ABTB2: variants seen among roughly 807,000 people sequenced by gnomAD.
ABTB2 encodes the protein ankyrin repeat and BTB domain containing 2, also known as ankyrin repeat and BTB/POZ domain-containing protein 2.
ABTB2 carries 56 observed loss-of-function variants against 104.1 expected under a neutral mutation model. That is an observed-to-expected ratio of 0.54 (90% CI 0.43 to 0.67). ABTB2 has a LOEUF of 0.67. Ranked by LOEUF, ABTB2 falls within the 30% of genes least tolerant of loss-of-function variation. ABTB2 has a pLI of 0.00. For synonymous variants in ABTB2, 606 were observed against 608.2 expected, an observed-to-expected ratio of 1.00 and a Z score of 0.05; for missense variants, 1,279 against 1,407.7, an observed-to-expected ratio of 0.91 and a Z score of 1.46.
rs753521736 is a variant in ABTB2 at position 34,164,833 on chromosome 11, G to A, written c.1853-12C>T. 6.3e-7 allele frequency: 1 copy of A among 1,587,154 alleles called. No homozygotes were observed. The highest frequency in any genetic ancestry group is 8.5e-7 in the Non-Finnish European group (1 of 1,171,768). On this transcript the variant is annotated splice_polypyrimidine_tract_variant and intron_variant, in intron 8 of 16. Transcript: ENST00000435224. ...CAGCTCATAGTTCCCTGAAAGAGAA[G>A]GTGGGCAGCACGGAGGACACTGAGA... is the stretch of plus-strand genomic sequence containing the variant.
intron 14 of ABTB2, among the ~76,000 whole-genome samples, chr11:34,156,588 A>G (rs1451316278): frequency 6.6e-6 from 1 of 151,884 alleles, no homozygotes; most frequent in Admixed American, 6.6e-5. Flanking sequence ...CAGTGGCGCA[A>G]TCTCGGCTCA....
chr11:34,163,434 G>A (rs1194194650), intron 9 of ABTB2, among the ~76,000 whole-genome samples: 1 of 152,176 alleles, frequency 6.6e-6, no homozygotes, highest in African/African-American at 2.4e-5. Context: ...TTTTAGCCTC[G>A]TGAGAGCCCA....
intron 9 of ABTB2, among the ~76,000 whole-genome samples, chr11:34,164,029 C>G (rs1013904109): frequency 4.7e-4 from 72 of 152,180 alleles, no homozygotes; most frequent in African/African-American, 1.7e-3. Flanking sequence ...GGGAGGGGAC[C>G]CCAGCCAGAA....
intron 1 of ABTB2, among the ~76,000 whole-genome samples, chr11:34,219,032 A>G (rs1853582934): frequency 8.8e-6 from 1 of 114,198 alleles, no homozygotes; most frequent in African/African-American, 3.1e-5. Context: ...TATTCATTAC[A>G]CGCCTACTAA....
chr11:34,210,352 T>A (rs1233035418), intron 1 of ABTB2, among the ~76,000 whole-genome samples: 2 of 152,224 alleles, frequency 1.3e-5, no homozygotes, highest in African/African-American at 2.4e-5. Flanking sequence ...AACTTGTGAA[T>A]TGTCAACAGT....
chr11:34,310,101 A>C (rs1854831693), intron 1 of ABTB2, among the ~76,000 whole-genome samples: 1 of 152,204 alleles, frequency 6.6e-6, no homozygotes, highest in Non-Finnish European at 1.5e-5. Flanking sequence ...GGGGAGGAGC[A>C]CAGTATGTAT....
chr11:34,347,002 A>G (rs768120740), intron 1 of ABTB2, among the ~76,000 whole-genome samples: 8 of 152,236 alleles, frequency 5.3e-5, no homozygotes, highest in Non-Finnish European at 1.0e-4. Flanking sequence ...GTTTTCGTGC[A>G]CTGAGAGGCC....
chr11:34,354,746 A>G (rs563509490), intron 1 of ABTB2, among the ~76,000 whole-genome samples: 2 of 152,256 alleles, frequency 1.3e-5, no homozygotes, highest in East Asian at 1.9e-4. Context: ...CTGCATGAAT[A>G]TATGTTTTTG....
intron 3 of ABTB2, among the ~76,000 whole-genome samples, chr11:34,184,118 C>T (rs1382955014): frequency 6.6e-5 from 10 of 151,090 alleles, no homozygotes; most frequent in South Asian, 2.1e-4. Flanking sequence ...TGAGCTGCTG[C>T]GTCCGGCCTC....
intron 5 of ABTB2, among the ~76,000 whole-genome samples, chr11:34,168,478 A>AGCCTCATAGCCGCCATCCC (rs1852831844): frequency 1.3e-5 from 2 of 152,210 alleles, no homozygotes; most frequent in African/African-American, 2.4e-5. Context: ...TATGCCATAC[A>AGCCTCATAGCCGCCATCCC]GCCTCATAGC....
At chr11:34,304,765 A>G (rs1854751261) in intron 1 of ABTB2, among the ~76,000 whole-genome samples, 1 of 152,194 alleles carries the variant, frequency 6.6e-6, no homozygotes, top group South Asian at 2.1e-4. Context: ...CATATAGGTA[A>G]GAGTGGTGGG....
intron 9 of ABTB2, among the ~76,000 whole-genome samples, chr11:34,163,167 C>T (rs1852747551): frequency 1.3e-5 from 2 of 152,216 alleles, no homozygotes; most frequent in South Asian, 4.1e-4. Context: ...CACTATATCA[C>T]ACTTTCCTGG....
chr11:34,194,921 T>G (rs919804016), intron 3 of ABTB2, among the ~76,000 whole-genome samples: 1 of 152,202 alleles, frequency 6.6e-6, no homozygotes, highest in South Asian at 2.1e-4. Flanking sequence ...CGTAAACACA[T>G]GCACGTGTGT....
chr11:34,255,602 T>C (rs1409726627), intron 1 of ABTB2, among the ~76,000 whole-genome samples: 1 of 151,938 alleles, frequency 6.6e-6, no homozygotes, highest in Non-Finnish European at 1.5e-5. Flanking sequence ...TCAACTCAAG[T>C]TCAACTTCAA....
chr11:34,186,276 A>G (rs1427340078), intron 3 of ABTB2, among the ~76,000 whole-genome samples: 1 of 152,234 alleles, frequency 6.6e-6, no homozygotes, highest in Non-Finnish European at 1.5e-5. Context: ...GGGAGGGGCA[A>G]GTCACAGACA....
intron 1 of ABTB2, among the ~76,000 whole-genome samples, chr11:34,237,806 G>C (rs535971187): frequency 6.6e-6 from 1 of 152,104 alleles, no homozygotes; most frequent in Non-Finnish European, 1.5e-5. Context: ...CAGGAGAATC[G>C]CTTGAACCTG....
intron 1 of ABTB2, among the ~76,000 whole-genome samples, chr11:34,340,744 G>A (rs981598926): frequency 6.6e-6 from 1 of 152,178 alleles, no homozygotes; most frequent in African/African-American, 2.4e-5. Context: ...AGCTGTCCAG[G>A]TGGCGGCTCT....
chr11:34,182,636 T>C (rs1853045001), intron 3 of ABTB2, among the ~76,000 whole-genome samples: 1 of 152,186 alleles, frequency 6.6e-6, no homozygotes, highest in South Asian at 2.1e-4. Context: ...GTGATTTCCC[T>C]TGTGTCTCCC....
chr11:34,275,543 C>G (rs1411039912), intron 1 of ABTB2, among the ~76,000 whole-genome samples: 1 of 152,014 alleles, frequency 6.6e-6, no homozygotes, highest in Non-Finnish European at 1.5e-5. Flanking sequence ...CCTTGATATC[C>G]TGCCTAGAAA....
Sources: allele counts gnomAD v4.1 joint callset (sites outside exome capture counted in the v4.1 genomes callset), GRCh38; gene constraint gnomAD v4.1.1; transcripts MANE v1.5; gene names NCBI Gene and HGNC (gene_info 2026-07-23, HGNC 2026-07-21).